Variants in TM6SF1 observed in about 807,000 individuals in gnomAD.
TM6SF1 encodes the protein transmembrane 6 superfamily member 1.
In TM6SF1, 43 loss-of-function variants were observed where a neutral mutation model predicts 47.1. The observed-to-expected ratio is 0.91, with a 90% CI of 0.72 to 1.18. The LOEUF is 1.18. TM6SF1 is among the 50% of genes most tolerant of loss of function. The probability of loss-of-function intolerance (pLI) is 0.00; values close to 1 mark genes in which losing one functional copy is unlikely to be tolerated. For missense variants in TM6SF1, 390 were observed against 449.0 expected (o/e 0.87, Z 1.19); for synonymous variants, 177 against 166.3 (o/e 1.06, Z -0.49).
intron 9 of TM6SF1, chr15:83,133,678 G>T (rs908711394): frequency 2.0e-5 from 3 of 152,226 alleles, no homozygotes; most frequent in Non-Finnish European, 4.4e-5. Flanking sequence ...CCTGACCCCA[G>T]CACAGGCTCA....
intron 9 of TM6SF1, chr15:83,136,112 G>C (rs2036591926): frequency 6.1e-6 from 1 of 163,906 alleles, no homozygotes; most frequent in African/African-American, 2.4e-5. Context: ...CTGTATGCAG[G>C]ATCTCCAGAA....
At chr15:83,114,466 G>C (rs1439896562) in intron 2 of TM6SF1, 1 of 152,276 alleles carries the variant, frequency 6.6e-6, no homozygotes, top group Non-Finnish European at 1.5e-5. Flanking sequence ...CACCTGGGAG[G>C]CTTCTGGAAA....
At chr15:83,116,652 A>T (rs746662740) in intron 3 of TM6SF1, among the ~76,000 whole-genome samples, 1 of 152,194 alleles carries the variant, frequency 6.6e-6, no homozygotes, top group East Asian at 1.9e-4. Context: ...GCTTGCAGGG[A>T]AGGGTCCGTG....
chr15:83,115,763 CCATT>C (rs1329343388), intron 2 of TM6SF1, 78 bp from the exon 3 acceptor site: 1 of 915,956 alleles, frequency 1.1e-6, no homozygotes, highest in Non-Finnish European at 1.8e-6. Context: ...GAAAAACATT[CCATT>C]ATTATTAGCT....
chr15:83,124,698 C>G lies in TM6SF1; in HGVS notation c.630C>G (p.Asp210Glu). 6.2e-7 allele frequency: 1 copy of G among 1,614,070 alleles called. No homozygotes were observed. The highest frequency in any genetic ancestry group is 1.3e-5 in the African/African-American group (1 of 75,026). Residue 210 changes from aspartate (D) to glutamate (E), a missense_variant, in exon 7 of 10, where the codon GAC becomes GAG. Asp to Glu is a conservative substitution (Grantham distance 45). Coordinates refer to ENST00000322019, the MANE Select transcript of TM6SF1 (RefSeq NM_023003.5). ...TTATTCAAGAAGCCCAAGCGAAAGA[C>G]CTGCTGAGAAGACCATTTGATTTAA... ...SKVIQEAQAK[D>E]LLRRPFDLML...
At chr15:83,114,590 G>A (rs373975106) in intron 2 of TM6SF1, 1 of 152,644 alleles carries the variant, frequency 6.6e-6, no homozygotes, top group Admixed American at 6.5e-5. Context: ...TCCTTCTGGG[G>A]AGAATGTGAA....
intron 5 of TM6SF1, among the ~76,000 whole-genome samples, chr15:83,122,402 G>C (rs1363746463): frequency 1.3e-5 from 2 of 151,332 alleles, no homozygotes; most frequent in African/African-American, 4.8e-5. Flanking sequence ...TAGGTAGATA[G>C]ATAGATAGAT....
rs886682971 is a variant in TM6SF1, at chr15:83,137,217, A to T, written c.*545A>T. The T allele has an allele frequency of 1.3e-5, 2 of 152,122 alleles. No homozygotes were observed. 9.4% of individuals were successfully genotyped at this position (152,122 alleles called of 1,614,324 possible). A position where few individuals can be genotyped will look rare whatever the true frequency, so the allele number is the denominator to read the frequency against. ...GTTTCAAGAAAATTACTTTTACTAAATTTTTTTGTGTGAATTTAAACAGCT... is the reference window on the plus strand; with the variant it reads ...GTTTCAAGAAAATTACTTTTACTAATTTTTTTTGTGTGAATTTAAACAGCT... On this transcript the variant is annotated 3_prime_UTR_variant, in exon 10 of 10. Coordinates refer to ENST00000322019, the MANE Select transcript of TM6SF1 (RefSeq NM_023003.5).
intron 1 of TM6SF1, chr15:83,111,563 TTCTC>T: frequency 1.0e-6 from 1 of 963,214 alleles, no homozygotes; most frequent in Non-Finnish European, 1.2e-6. Flanking sequence ...ATTCTTATCT[TTCTC>T]TCTCCTAGGG....
Position 83,136,947 on chromosome 15 carries a change from T to C in TM6SF1, c.*275T>C. 1 of 238,308 alleles carries C rather than the reference T, an allele frequency of 4.2e-6. No homozygotes were observed. Among genetic ancestry groups the C allele is most frequent in the Non-Finnish European group, 8.1e-6 (1 of 123,164 alleles). 14.8% of individuals were successfully genotyped at this position (238,308 alleles called of 1,614,324 possible). A position where few individuals can be genotyped will look rare whatever the true frequency, so the allele number is the denominator to read the frequency against. On this transcript the variant is annotated 3_prime_UTR_variant, in exon 10 of 10. Transcript: ENST00000322019. ...CAATATTGTTTGACATATAAAATAATTATAAGTGTAAAAAATTACAATTTA... is the reference window on the plus strand; with the variant it reads ...CAATATTGTTTGACATATAAAATAACTATAAGTGTAAAAAATTACAATTTA...
chr15:83,134,165 C>A (rs2036453960), intron 9 of TM6SF1: 1 of 151,966 alleles, frequency 6.6e-6, no homozygotes, highest in South Asian at 2.1e-4. Context: ...AGGTGCCACA[C>A]AAAACATTAG....
intron 1 of TM6SF1, among the ~76,000 whole-genome samples, chr15:83,111,435 C>T (rs966732095): frequency 6.6e-6 from 1 of 152,052 alleles, no homozygotes; most frequent in African/African-American, 2.4e-5. Flanking sequence ...ATCATCTATC[C>T]ATTCATCCAT....
intron 1 of TM6SF1, among the ~76,000 whole-genome samples, chr15:83,112,084 G>A (rs2034238110): frequency 6.6e-6 from 1 of 152,124 alleles, no homozygotes; most frequent in African/African-American, 2.4e-5. Context: ...AGCGGCTTTG[G>A]CCCCTGCTGT....
At chr15:83,121,881 A>C (rs1176113637) in intron 4 of TM6SF1, 40 bp from the exon 5 acceptor site, 1 of 1,498,840 alleles carries the variant, frequency 6.7e-7, no homozygotes, top group African/African-American at 1.4e-5. Flanking sequence ...TTCTAAGACA[A>C]ACATACCAAG....
rs1253153265 is a variant in TM6SF1, at chr15:83,115,896, A to G, written c.248A>G (p.Glu83Gly). The part of the protein sequence containing the change: ...TSVVNLIIGL[E>G]QDGIIDGFMT... ...GTGGTGAACCTCATCATAGGACTGG[A>G]GCAAGATGGAATCATTGACGGGTTC... The change falls in exon 3 of 10, where the codon GAG (glutamate) becomes GGG (glycine). Residue 83 changes from glutamate to glycine, a missense_variant. Physicochemically the swap from Glu to Gly is moderately conservative, Grantham distance 98. Coordinates refer to ENST00000322019, the MANE Select transcript of TM6SF1 (RefSeq NM_023003.5). 1 of 1,614,160 alleles carries G rather than the reference A, an allele frequency of 6.2e-7. No homozygotes were observed. Among genetic ancestry groups the G allele is most frequent in the Non-Finnish European group, 8.5e-7 (1 of 1,180,008 alleles).
At chr15:83,109,350 G>A (rs1203631819) in intron 1 of TM6SF1, among the ~76,000 whole-genome samples, 3 of 152,164 alleles carry the variant, frequency 2.0e-5, no homozygotes, top group African/African-American at 7.2e-5. Flanking sequence ...GGGTTGCATG[G>A]CAGCAGAGGA....
intron 6 of TM6SF1, among the ~76,000 whole-genome samples, chr15:83,123,563 T>C (rs183174524): frequency 9.6e-4 from 147 of 152,386 alleles, no homozygotes; most frequent in African/African-American, 3.4e-3. Flanking sequence ...AGAATACGAC[T>C]ATTCATTTTA....
At chr15:83,126,726 T>C (rs1451361186) in intron 7 of TM6SF1, 29 bp from the exon 8 acceptor site, 7 of 1,571,248 alleles carry the variant, frequency 4.5e-6, no homozygotes, top group East Asian at 2.2e-5. Flanking sequence ...GTGATTGTAT[T>C]TTTATAATGA....
intron 9 of TM6SF1, chr15:83,133,259 T>G (rs1163946484): frequency 6.6e-6 from 1 of 152,250 alleles, no homozygotes; most frequent in Non-Finnish European, 1.5e-5. Flanking sequence ...TTATACTGTA[T>G]TAGCAAAAGA....
Sources: allele counts gnomAD v4.1 joint callset (sites outside exome capture counted in the v4.1 genomes callset), GRCh38; gene constraint gnomAD v4.1.1; transcripts MANE v1.5; gene names NCBI Gene and HGNC (gene_info 2026-07-23, HGNC 2026-07-21).